ZPBP: variants seen among roughly 807,000 people sequenced by gnomAD.
ZPBP encodes the protein zona pellucida binding protein.
A neutral mutation model predicts 44.8 loss-of-function variants in ZPBP; 26 were observed. The observed-to-expected ratio is 0.58, with a 90% confidence interval of 0.43 to 0.81. The LOEUF (loss-of-function observed/expected upper bound fraction) is 0.81. Ranked by LOEUF, ZPBP falls within the 30% of genes least tolerant of loss-of-function variation. The pLI is 0.00. For missense variants in ZPBP, 409 were observed against 434.0 expected, an observed-to-expected ratio of 0.94 and a Z score of 0.51; for synonymous variants, 174 against 153.2, an observed-to-expected ratio of 1.14 and a Z score of -1.00.
chr7:50,028,035 A>T (rs1433895072), intron 5 of ZPBP, among the ~76,000 whole-genome samples: 4 of 152,068 alleles, frequency 2.6e-5, no homozygotes, highest in Non-Finnish European at 4.4e-5. Context: ...ATAGAAGAGG[A>T]GGTAACACTT....
At chr7:49,937,073 C>G (rs1794643348), downstream of ZPBP, among the ~76,000 whole-genome samples, 2 of 152,120 alleles carry the variant, frequency 1.3e-5, no homozygotes, top group Non-Finnish European at 2.9e-5. Flanking sequence ...AATAAGACCA[C>G]AGGCTTTAAA....
intron 7 of ZPBP, among the ~76,000 whole-genome samples, chr7:49,979,685 C>T (rs908870499): frequency 6.7e-6 from 1 of 150,064 alleles, no homozygotes; most frequent in African/African-American, 2.4e-5. Context: ...TGAGGAGATG[C>T]AAATATTTTA....
At chr7:49,986,748 C>T (rs914957000) in intron 6 of ZPBP, among the ~76,000 whole-genome samples, 1 of 152,094 alleles carries the variant, frequency 6.6e-6, no homozygotes, top group Non-Finnish European at 1.5e-5. Flanking sequence ...TTATATTCTC[C>T]ATAAAGTTTT....
At chr7:49,964,837 G>A (rs1414541241) in intron 7 of ZPBP, among the ~76,000 whole-genome samples, 3 of 152,068 alleles carry the variant, frequency 2.0e-5, no homozygotes, top group African/African-American at 7.2e-5. Flanking sequence ...ATCTTCATGG[G>A]TATGGCAGAA....
chr7:50,062,973 C>A (rs1175604110), intron 3 of ZPBP, among the ~76,000 whole-genome samples: 3 of 129,778 alleles, frequency 2.3e-5, no homozygotes, highest in South Asian at 2.5e-4. Context: ...TACCTTTTAA[C>A]ATTTTGTGGG....
chr7:49,932,068 A>G (rs563062771), intron 1 of ZPBP, among the ~76,000 whole-genome samples: 3 of 152,222 alleles, frequency 2.0e-5, no homozygotes, highest in South Asian at 4.1e-4. Flanking sequence ...ATGTACGGAA[A>G]TGCCTGGATG....
intron 1 of ZPBP, among the ~76,000 whole-genome samples, chr7:49,924,733 C>T (rs1316473477): frequency 6.6e-6 from 1 of 152,118 alleles, no homozygotes; most frequent in Non-Finnish European, 1.5e-5. Flanking sequence ...CTCCTGGGTT[C>T]TCCCTCTTAC....
chr7:50,046,234 T>C (rs1464027482), intron 4 of ZPBP, among the ~76,000 whole-genome samples: 1 of 152,218 alleles, frequency 6.6e-6, no homozygotes, highest in Non-Finnish European at 1.5e-5. Flanking sequence ...GACATAGGCA[T>C]GGCCAAAGAC....
At chr7:49,927,534 A>T (rs1794286140) in intron 1 of ZPBP, among the ~76,000 whole-genome samples, 1 of 152,184 alleles carries the variant, frequency 6.6e-6, no homozygotes, top group Non-Finnish European at 1.5e-5. Context: ...AGGGGCTTCC[A>T]CTATGACCTC....
intron 2 of ZPBP, among the ~76,000 whole-genome samples, chr7:49,888,582 ATCCCAGCACAC>A (rs1210433082): frequency 1.3e-5 from 2 of 152,180 alleles, no homozygotes; most frequent in Non-Finnish European, 2.9e-5. Context: ...GGCAGCCTGC[ATCCCAGCACAC>A]TCCCTGGCCC....
intron 2 of ZPBP, among the ~76,000 whole-genome samples, chr7:49,898,030 CCTAA>C (rs1271377462): frequency 1.3e-5 from 2 of 152,090 alleles, no homozygotes; most frequent in African/African-American, 4.8e-5. Flanking sequence ...TTTATCAGAG[CCTAA>C]CTGATCTGGG....
intron 7 of ZPBP, chr7:49,944,308 G>C (rs1448666256): frequency 7.2e-6 from 2 of 278,050 alleles, no homozygotes; most frequent in East Asian, 1.1e-4. Flanking sequence ...TCTTTTGCCT[G>C]TACATATTCA....
chr7:50,027,692 T>C (rs1480887685), intron 5 of ZPBP, among the ~76,000 whole-genome samples: 2 of 151,848 alleles, frequency 1.3e-5, no homozygotes, highest in Non-Finnish European at 2.9e-5. Context: ...AAAAATGCAA[T>C]AAAATTGACA....
At position 50,089,630 on chromosome 7, in the gene ZPBP, T is replaced by C. The variant is rs1802848326; in HGVS notation, c.207A>G (p.Pro69=). Reference sequence around the variant, plus strand: ...TAGTGAAAATATATTTATGAATACCTGGAAAACTTGTTGATCCCACTATTT... The same window carrying C: ...TAGTGAAAATATATTTATGAATACCCGGAAAACTTGTTGATCCCACTATTT... The part of the protein sequence containing the change: ...SVKIVGSTSF[P]VKAYVMLHQK... Residue 69 remains proline, a splice_region_variant and synonymous_variant, in exon 2 of 8, where the codon CCA becomes CCG. Transcript: ENST00000046087. 6.2e-7 allele frequency: 1 copy of C among 1,604,358 alleles called. No individual in the cohort carries two copies. Among genetic ancestry groups the C allele is most frequent in the Non-Finnish European group, 8.5e-7 (1 of 1,173,632 alleles).
At chr7:49,974,759 ATGTC>A (rs1331363879) in intron 7 of ZPBP, among the ~76,000 whole-genome samples, 1 of 4,134 alleles carries the variant, frequency 2.4e-4, no homozygotes, top group Admixed American at 3.7e-3. Flanking sequence ...CATTTGGCAA[ATGTC>A]TGATGAATAC....
chr7:49,879,129 T>C (rs1791567514), intron 2 of ZPBP, among the ~76,000 whole-genome samples: 1 of 152,192 alleles, frequency 6.6e-6, no homozygotes, highest in Non-Finnish European at 1.5e-5. Context: ...CTCCACTGCC[T>C]TCTTAATGTC....
intron 2 of ZPBP, among the ~76,000 whole-genome samples, chr7:49,852,698 G>C (rs1032912082): frequency 1.3e-5 from 2 of 152,064 alleles, no homozygotes; most frequent in Non-Finnish European, 2.9e-5. Flanking sequence ...ATGGGGGACG[G>C]GCCTTGCTCC....
chr7:49,977,097 G>A (rs1026370624), intron 7 of ZPBP, among the ~76,000 whole-genome samples: 5 of 44,688 alleles, frequency 1.1e-4, no homozygotes, highest in Non-Finnish European at 1.9e-4. Flanking sequence ...GCAAGACTCC[G>A]TCTCTAAATA....
chr7:49,960,282 G>A (rs73349149), intron 7 of ZPBP, among the ~76,000 whole-genome samples: 3 of 151,942 alleles, frequency 2.0e-5, no homozygotes, highest in Admixed American at 6.6e-5. Context: ...ATAGCTGGGC[G>A]TGGTTGTGCA....
Sources: allele counts gnomAD v4.1 joint callset (sites outside exome capture counted in the v4.1 genomes callset), GRCh38; gene constraint gnomAD v4.1.1; transcripts MANE v1.5; gene names NCBI Gene and HGNC (gene_info 2026-07-23, HGNC 2026-07-21).